Variants in SH3RF1 observed in about 807,000 individuals in gnomAD.
The protein encoded by SH3RF1 is E3 ubiquitin-protein ligase SH3RF1.
Under a neutral mutation model 74.0 loss-of-function variants are expected in SH3RF1, and 32 were observed. The ratio of observed to expected loss-of-function variants is 0.43; its 90% CI spans 0.33 to 0.58. The LOEUF is 0.58. SH3RF1 is among the 20% of genes least tolerant of loss of function. SH3RF1 has a pLI of 0.05. For missense variants in SH3RF1, 954 were observed against 1,130.9 expected (o/e 0.84, Z 2.24); for synonymous variants, 396 against 439.6 (o/e 0.90, Z 1.24).
intron 2 of SH3RF1, among the ~76,000 whole-genome samples, chr4:169,262,177 T>C (rs1051784307): frequency 2.0e-5 from 3 of 152,162 alleles, no homozygotes; most frequent in Admixed American, 6.5e-5. Flanking sequence ...TAGCAAATCA[T>C]TGAATCTCCA....
At chr4:169,270,510 C>G (rs1459883448) in intron 1 of SH3RF1, among the ~76,000 whole-genome samples, 1 of 152,248 alleles carries the variant, frequency 6.6e-6, no homozygotes, top group Non-Finnish European at 1.5e-5. Context: ...GCTTAAGTTG[C>G]GAAACTCAGC....
chr4:169,255,618 C>CATAT (rs1554011230), intron 2 of SH3RF1, among the ~76,000 whole-genome samples: 14 of 133,002 alleles, frequency 1.1e-4, no homozygotes, highest in African/African-American at 4.0e-4. Flanking sequence ...CATACATACA[C>CATAT]ACATACACAC....
chr4:169,125,431 C>A (rs921632481), intron 6 of SH3RF1, among the ~76,000 whole-genome samples: 3 of 152,138 alleles, frequency 2.0e-5, no homozygotes, highest in Non-Finnish European at 4.4e-5. Context: ...TTTCATGCAA[C>A]CCGCCCAGGT....
chr4:169,228,191 TAC>T (rs1451763627), intron 2 of SH3RF1, among the ~76,000 whole-genome samples: 2 of 152,224 alleles, frequency 1.3e-5, no homozygotes, highest in Admixed American at 6.5e-5. Flanking sequence ...AAATATTGCC[TAC>T]ACAGGCAGAT....
chr4:169,123,816 C>T (rs868234773), intron 6 of SH3RF1, among the ~76,000 whole-genome samples: 40 of 151,818 alleles, frequency 2.6e-4, no homozygotes, highest in African/African-American at 7.0e-4. Flanking sequence ...GGCGTGAACC[C>T]GGGAGGCGGA....
chr4:169,221,009 G>A (rs186965879), intron 2 of SH3RF1, among the ~76,000 whole-genome samples: 1 of 152,304 alleles, frequency 6.6e-6, no homozygotes, highest in East Asian at 1.9e-4. Context: ...TTGAACTCTC[G>A]TGTCGAAAGA....
In SH3RF1 at chr4:169,096,254, T is replaced by TA. The variant is rs879873426; in HGVS notation, c.*264dup. The TA allele has an allele frequency of 0.045, 12,901 of 285,764 alleles. No homozygotes were observed. The highest frequency in any genetic ancestry group is 0.09 in the Middle Eastern group (89 of 990). 17.7% of individuals were successfully genotyped at this position (285,764 alleles called of 1,614,324 possible). ...AATTGTCCATTTTAGTCATATATCT[T>TA]AAAAAAAAAAAAAAGTTTCTCTGTG... On this transcript the variant is annotated 3_prime_UTR_variant, in exon 12 of 12. Coordinates refer to ENST00000284637, the MANE Select transcript of SH3RF1 (RefSeq NM_020870.4).
intron 2 of SH3RF1, among the ~76,000 whole-genome samples, chr4:169,210,857 T>C (rs868180788): frequency 1.3e-5 from 2 of 152,324 alleles, no homozygotes; most frequent in Middle Eastern, 3.4e-3. Flanking sequence ...CCACAAACCT[T>C]CAACCATGCA....
intron 2 of SH3RF1, among the ~76,000 whole-genome samples, chr4:169,240,316 C>G (rs1730887124): frequency 6.6e-6 from 1 of 152,150 alleles, no homozygotes; most frequent in African/African-American, 2.4e-5. Context: ...CCACCTCAGC[C>G]TCCTGAGGTA....
chr4:169,127,267 A>G (rs562812699), intron 6 of SH3RF1, among the ~76,000 whole-genome samples: 17 of 152,372 alleles, frequency 1.1e-4, no homozygotes, highest in African/African-American at 4.1e-4. Context: ...AAAAATCTCA[A>G]TTCATGAAAA....
intron 11 of SH3RF1, among the ~76,000 whole-genome samples, chr4:169,105,998 T>A (rs1733126898): frequency 6.8e-6 from 1 of 147,002 alleles, no homozygotes; most frequent in African/African-American, 2.6e-5. Context: ...TATTGTGAAT[T>A]TTTTTTGCAA....
At chr4:169,192,908 T>A (rs943202221) in intron 2 of SH3RF1, among the ~76,000 whole-genome samples, 1 of 118,572 alleles carries the variant, frequency 8.4e-6, no homozygotes, top group South Asian at 2.9e-4. Flanking sequence ...TATATATATA[T>A]CATATATATG....
chr4:169,221,304 C>T (rs988720776), intron 2 of SH3RF1, among the ~76,000 whole-genome samples: 2 of 151,970 alleles, frequency 1.3e-5, no homozygotes, highest in Admixed American at 6.6e-5. Flanking sequence ...TGAGAAGCAT[C>T]TGAATGTAAA....
At chr4:169,246,466 C>T (rs188819435) in intron 2 of SH3RF1, among the ~76,000 whole-genome samples, 1 of 152,340 alleles carries the variant, frequency 6.6e-6, no homozygotes, top group East Asian at 1.9e-4. Flanking sequence ...TCCACAGACA[C>T]TGAAGAGGTC....
intron 2 of SH3RF1, among the ~76,000 whole-genome samples, chr4:169,227,380 G>C (rs2127005316): frequency 6.6e-6 from 1 of 152,264 alleles, no homozygotes; most frequent in East Asian, 1.9e-4. Context: ...TGAATAAGCT[G>C]TATTTATCAC....
intron 6 of SH3RF1, among the ~76,000 whole-genome samples, chr4:169,126,178 G>C (rs1733520782): frequency 6.6e-6 from 1 of 152,162 alleles, no homozygotes; most frequent in Admixed American, 6.5e-5. Context: ...TCTTTGTATT[G>C]GTGGCACCTA....
chr4:169,106,571 T>C (rs1164674925), intron 11 of SH3RF1, among the ~76,000 whole-genome samples: 2 of 151,190 alleles, frequency 1.3e-5, no homozygotes, highest in Non-Finnish European at 2.9e-5. Flanking sequence ...TCCCAGTGAT[T>C]GACAGTTTTT....
chr4:169,103,673 G>A (rs1049807536), intron 11 of SH3RF1, among the ~76,000 whole-genome samples: 12 of 151,940 alleles, frequency 7.9e-5, no homozygotes, highest in Admixed American at 6.6e-5. Flanking sequence ...ATATGTTACC[G>A]CACATTTTTC....
chr4:169,197,906 C>T (rs1278351747), intron 2 of SH3RF1, among the ~76,000 whole-genome samples: 2 of 152,068 alleles, frequency 1.3e-5, no homozygotes, highest in Non-Finnish European at 2.9e-5. Context: ...AGATAAAATA[C>T]ACAAAGTTTC....
Sources: gnomAD v4.1 joint callset for allele counts (sites outside exome capture counted in the v4.1 genomes callset) on GRCh38, gnomAD v4.1.1 for gene constraint, MANE v1.5 for transcripts, NCBI Gene and HGNC (gene_info 2026-07-23, HGNC 2026-07-21) for gene names.